Variants in ANKFN1 observed in about 807,000 individuals in gnomAD.
ANKFN1 encodes ankyrin repeat and fibronectin type-III domain-containing protein 1.
A neutral mutation model predicts 108.7 loss-of-function variants in ANKFN1; 74 were observed. That is an observed-to-expected ratio of 0.68 (90% CI 0.56 to 0.83). The LOEUF (loss-of-function observed/expected upper bound fraction) is 0.83. Among genes scored for constraint, ANKFN1 ranks in the 40% least tolerant of loss-of-function variants. ANKFN1 has a pLI of 0.00. For missense variants in ANKFN1, 1,505 were observed against 1,382.3 expected (o/e 1.09, Z -1.41); for synonymous variants, 547 against 516.2 (o/e 1.06, Z -0.81).
chr17:56,148,056 G>A (rs1171658437), intron 4 of ANKFN1, among the ~76,000 whole-genome samples: 1 of 152,180 alleles, frequency 6.6e-6, no homozygotes, highest in Admixed American at 6.5e-5. Flanking sequence ...AGATAACACA[G>A]CTAGTTATTG....
At chr17:56,151,498 A>C (rs923103357), upstream of ANKFN1, among the ~76,000 whole-genome samples, 4 of 152,320 alleles carry the variant, frequency 2.6e-5, no homozygotes, top group African/African-American at 9.6e-5. Context: ...GAGTGGAGAA[A>C]GTGCTGGGTT....
Position 56,049,778 on chromosome 17 carries a change from A to C in ANKFN1, c.288+3453A>C, listed in dbSNP as rs1228928893. Among the ~76,000 whole-genome samples the C allele has an allele frequency of 3.9e-3, 569 of 146,940 alleles. 3 individuals are homozygous for C. Among genetic ancestry groups the C allele is most frequent in the African/African-American group, 0.014 (542 of 39,164 alleles). Reference sequence around the variant, plus strand: ...GGTGTATATGTGCCACATTTTCTTAATCCAGTCTATCATTGTTGGACATTT... The same window carrying C: ...GGTGTATATGTGCCACATTTTCTTACTCCAGTCTATCATTGTTGGACATTT... On this transcript the variant is annotated intron_variant, in intron 4 of 12. Transcript: ENST00000635860.
At chr17:56,497,345 T>C (rs2051231951) in intron 19 of ANKFN1, among the ~76,000 whole-genome samples, 1 of 152,176 alleles carries the variant, frequency 6.6e-6, no homozygotes, top group Admixed American at 6.5e-5. Flanking sequence ...CTCAATCTCA[T>C]GCTTTCATCA....
intron 4 of ANKFN1, among the ~76,000 whole-genome samples, chr17:56,064,503 C>T (rs1048952722): frequency 2.0e-5 from 3 of 152,228 alleles, no homozygotes; most frequent in Non-Finnish European, 1.5e-5. Flanking sequence ...TGAAGAGGCA[C>T]TCTGGCCGCA....
At chr17:56,383,314 G>A (rs1229724214) in intron 8 of ANKFN1, among the ~76,000 whole-genome samples, 4 of 151,796 alleles carry the variant, frequency 2.6e-5, no homozygotes, top group African/African-American at 7.3e-5. Flanking sequence ...AGAATCTCTG[G>A]GACACATTCA....
chr17:56,505,874 G>A (rs2051539964), intron 20 of ANKFN1, among the ~76,000 whole-genome samples: 2 of 152,238 alleles, frequency 1.3e-5, no homozygotes, highest in South Asian at 4.1e-4. Context: ...TCGTATGTTG[G>A]GAGATCAAAA....
chr17:56,358,967 T>C (rs1304012405), intron 6 of ANKFN1, among the ~76,000 whole-genome samples: 2 of 152,210 alleles, frequency 1.3e-5, no homozygotes, highest in Admixed American at 6.5e-5. Context: ...GAATCATCGA[T>C]GGGAGTCTTG....
Position 56,511,535 on chromosome 17 carries a change from G to A in ANKFN1, c.*266G>A. 1 of 430,916 alleles carries A rather than the reference G, an allele frequency of 2.3e-6. No individual in the cohort carries two copies. The highest frequency in any genetic ancestry group is 4.1e-6 in the Non-Finnish European group (1 of 243,322). The allele number at this position is 430,916 out of a possible 1,614,324, so 26.7% of individuals were successfully genotyped here. ...ATACGACATACAGTGACTCAAACAT[G>A]CCACCCTGTTGGTGGCACCTATGAC... On this transcript the variant is annotated 3_prime_UTR_variant, in exon 21 of 21. Transcript: ENST00000682825.
chr17:56,501,375 T>A (rs193043835), intron 20 of ANKFN1, among the ~76,000 whole-genome samples: 1 of 152,142 alleles, frequency 6.6e-6, no homozygotes, highest in East Asian at 1.9e-4. Context: ...GAAGAGACCA[T>A]AAGGGAAAAT....
chr17:56,077,948 A>T (rs1479492957), intron 4 of ANKFN1, among the ~76,000 whole-genome samples: 1 of 152,184 alleles, frequency 6.6e-6, no homozygotes, highest in Non-Finnish European at 1.5e-5. Context: ...AGTTTTTGTT[A>T]TCTCTATTTC....
rs746078186 is a variant in ANKFN1 at position 56,511,123 on chromosome 17, G to T, written c.3295G>T (p.Val1099Leu). The T allele has an allele frequency of 7.2e-6, 11 of 1,535,874 alleles. No individual in the cohort carries two copies. Among genetic ancestry groups the T allele is most frequent in the African/African-American group, 2.7e-5 (2 of 73,040 alleles). The change falls in exon 21 of 21, where the codon GTG becomes TTG. Residue 1099 changes from valine to leucine, a missense_variant. Coordinates refer to ENST00000682825, the MANE Select transcript of ANKFN1 (RefSeq NM_001370326.1). Reference sequence around the variant, plus strand: ...CTACGTGGAGCCCTACGCAGCGGCCGTGGTGGCCCAGGACGAAAAACCATG... The same window carrying T: ...CTACGTGGAGCCCTACGCAGCGGCCTTGGTGGCCCAGGACGAAAAACCATG... Reference protein sequence around the residue: ...RLYVEPYAAAVVAQDEKPWAS... With the variant: ...RLYVEPYAAALVAQDEKPWAS...
At chr17:56,183,454 A>T (rs567652960) in intron 1 of ANKFN1, among the ~76,000 whole-genome samples, 1 of 152,190 alleles carries the variant, frequency 6.6e-6, no homozygotes, top group East Asian at 1.9e-4. Context: ...TGATTGGATC[A>T]TGCGGGCAGA....
intron 4 of ANKFN1, among the ~76,000 whole-genome samples, chr17:56,072,592 C>T (rs1905133109): frequency 6.6e-6 from 1 of 152,190 alleles, no homozygotes; most frequent in Non-Finnish European, 1.5e-5. Flanking sequence ...TCTTTTCCTA[C>T]TTTATATACA....
intron 3 of ANKFN1, among the ~76,000 whole-genome samples, chr17:56,277,329 T>C (rs2043960941): frequency 6.6e-6 from 1 of 152,184 alleles, no homozygotes; most frequent in African/African-American, 2.4e-5. Context: ...ATTCTACATG[T>C]TTGACTTGCA....
intron 4 of ANKFN1, among the ~76,000 whole-genome samples, chr17:56,098,559 C>CT (rs770629959): frequency 1.3e-5 from 2 of 152,168 alleles, no homozygotes; most frequent in Non-Finnish European, 2.9e-5. Context: ...ATCTCCTACT[C>CT]TATCACGTAA....
chr17:56,288,222 A>T (rs936710947), intron 3 of ANKFN1, among the ~76,000 whole-genome samples: 2 of 152,126 alleles, frequency 1.3e-5, no homozygotes, highest in African/African-American at 4.8e-5. Flanking sequence ...CCAATTTCAC[A>T]CCCAGAAAAC....
intron 3 of ANKFN1, among the ~76,000 whole-genome samples, chr17:56,243,186 G>C (rs1338127284): frequency 1.3e-5 from 2 of 151,902 alleles, no homozygotes; most frequent in Non-Finnish European, 2.9e-5. Context: ...TTGTGCTTTG[G>C]GAATTTTATG....
At position 56,112,189 on chromosome 17, in the gene ANKFN1, G is replaced by A. The variant is rs530614349; in HGVS notation, c.288+65864G>A. 8.5e-5 allele frequency among the ~76,000 whole-genome samples: 13 copies of A among 152,266 alleles called. No homozygotes were observed. In the South Asian group the frequency reaches 1.5e-3, roughly 17 times the overall value. On this transcript the variant is annotated intron_variant, in intron 4 of 12. Transcript: ENST00000635860. ...AGTCATTTTTAACAGTCCAGGAAGA[G>A]TTATGCATTGTATAATTCCAGAGCT...
intron 4 of ANKFN1, among the ~76,000 whole-genome samples, chr17:56,090,778 A>T (rs956498056): frequency 1.1e-4 from 16 of 148,344 alleles, no homozygotes; most frequent in African/African-American, 3.4e-4. Flanking sequence ...GGCTAATTTT[A>T]AAAAAATTTT....
Sources: gnomAD v4.1 joint callset for allele counts (sites outside exome capture counted in the v4.1 genomes callset) on GRCh38, gnomAD v4.1.1 for gene constraint, MANE v1.5 for transcripts, NCBI Gene and HGNC (gene_info 2026-07-23, HGNC 2026-07-21) for gene names.